Variants in CDK14 observed in about 807,000 individuals in gnomAD.
The protein encoded by CDK14 is cyclin-dependent kinase 14.
CDK14 carries 34 observed loss-of-function variants against 60.7 expected under a neutral mutation model. The ratio of observed to expected loss-of-function variants is 0.56; its 90% CI spans 0.43 to 0.75. The LOEUF (loss-of-function observed/expected upper bound fraction) is 0.75. CDK14 is among the 30% of genes least tolerant of loss of function. CDK14 has a pLI of 0.00. For missense variants in CDK14, 482 were observed against 564.1 expected (o/e 0.85, Z 1.47); for synonymous variants, 197 against 203.7 (o/e 0.97, Z 0.28).
intron 11 of CDK14, among the ~76,000 whole-genome samples, chr7:91,049,967 T>C (rs548390570): frequency 1.3e-5 from 2 of 152,148 alleles, no homozygotes; most frequent in East Asian, 3.9e-4. Context: ...TTAAATAGGG[T>C]AATCAAGGAA....
At chr7:91,179,108 C>G (rs1042821804) in intron 14 of CDK14, among the ~76,000 whole-genome samples, 3 of 152,004 alleles carry the variant, frequency 2.0e-5, no homozygotes, top group Non-Finnish European at 2.9e-5. Context: ...ACATATACAC[C>G]ATGGAACAAT....
intron 14 of CDK14, among the ~76,000 whole-genome samples, chr7:91,184,179 T>G (rs1034424310): frequency 8.7e-6 from 1 of 115,110 alleles, no homozygotes; most frequent in Non-Finnish European, 1.6e-5. Flanking sequence ...CACTCCAGCC[T>G]GGGTGACAGA....
intron 9 of CDK14, 64 bp from the exon 10 acceptor site, chr7:90,984,084 C>G: frequency 9.8e-7 from 1 of 1,017,304 alleles, no homozygotes; most frequent in Non-Finnish European, 1.6e-6. Flanking sequence ...ATTCTAATTC[C>G]AGATTTAGTT....
intron 12 of CDK14, among the ~76,000 whole-genome samples, chr7:91,095,038 G>T (rs552852545): frequency 1.3e-5 from 2 of 152,194 alleles, no homozygotes; most frequent in Non-Finnish European, 2.9e-5. Flanking sequence ...TTGATGCTCT[G>T]GATGTTTGGG....
chr7:90,986,921 A>G (rs1170878219), intron 10 of CDK14, among the ~76,000 whole-genome samples: 1 of 152,006 alleles, frequency 6.6e-6, no homozygotes, highest in African/African-American at 2.4e-5. Context: ...TGTATTTGAA[A>G]GCAGAAAACT....
At chr7:90,970,290 C>A (rs1268050205) in intron 9 of CDK14, among the ~76,000 whole-genome samples, 1 of 152,136 alleles carries the variant, frequency 6.6e-6, no homozygotes, top group Non-Finnish European at 1.5e-5. Flanking sequence ...TTTTTAAACA[C>A]AGCCAACATC....
rs182956066 is a variant in CDK14 at position 90,664,552 on chromosome 7, A to G, written c.123+60303A>G. 2.3e-4 allele frequency among the ~76,000 whole-genome samples: 35 copies of G among 152,326 alleles called. No homozygotes were observed. The East Asian group carries it at 6.7e-3, about 29-fold the overall frequency. ...TTGGAACCAACCTAAATGTCCAACA[A>G]TGATAGACTGGATTAAGAAAATATG... On this transcript the variant is annotated intron_variant, in intron 2 of 14. Coordinates refer to ENST00000380050, the MANE Select transcript of CDK14 (RefSeq NM_001287135.2).
chr7:90,826,664 G>GT (rs1358708713), intron 5 of CDK14, among the ~76,000 whole-genome samples: 1 of 152,022 alleles, frequency 6.6e-6, no homozygotes, highest in African/African-American at 2.4e-5. Context: ...TTTAAATTAT[G>GT]TTTTTTCATT....
At chr7:90,878,517 A>G (rs1390313357) in intron 6 of CDK14, among the ~76,000 whole-genome samples, 4 of 152,174 alleles carry the variant, frequency 2.6e-5, no homozygotes, top group South Asian at 2.1e-4. Context: ...CTTTTACACA[A>G]CAGACATACT....
intron 3 of CDK14, among the ~76,000 whole-genome samples, chr7:90,735,796 G>C (rs925198196): frequency 9.2e-5 from 14 of 152,336 alleles, no homozygotes; most frequent in African/African-American, 3.4e-4. Context: ...CAGACCACTT[G>C]GCTCCCTGGC....
intron 2 of CDK14, among the ~76,000 whole-genome samples, chr7:90,676,772 G>A (rs1801208166): frequency 6.6e-6 from 1 of 152,038 alleles, no homozygotes; most frequent in South Asian, 2.1e-4. Context: ...CTGGGCTCAA[G>A]GGGTCTTCCT....
chr7:91,147,685 C>T (rs926885954), intron 14 of CDK14, among the ~76,000 whole-genome samples: 12 of 152,046 alleles, frequency 7.9e-5, no homozygotes, highest in African/African-American at 2.2e-4. Context: ...TGTCTACTTG[C>T]TATATTTGAA....
chr7:90,791,777 C>G (rs1336358178), intron 5 of CDK14, among the ~76,000 whole-genome samples: 1 of 152,174 alleles, frequency 6.6e-6, no homozygotes, highest in Non-Finnish European at 1.5e-5. Context: ...TTTTACCCAG[C>G]CTTTTAGCAG....
At chr7:91,102,971 C>T (rs368395580) in intron 12 of CDK14, among the ~76,000 whole-genome samples, 1 of 152,200 alleles carries the variant, frequency 6.6e-6, no homozygotes, top group East Asian at 1.9e-4. Flanking sequence ...TGCTGCCTTC[C>T]GGCCGGGTGC....
chr7:90,608,585 A>G (rs982789462), intron 2 of CDK14: 2 of 979,410 alleles, frequency 2.0e-6, no homozygotes, highest in African/African-American at 3.5e-5. Flanking sequence ...GGTGAGAAAT[A>G]CAAAATTTTT....
intron 6 of CDK14, among the ~76,000 whole-genome samples, chr7:90,898,786 T>C (rs1792413758): frequency 6.6e-6 from 1 of 152,028 alleles, no homozygotes. Flanking sequence ...TGCTCAAATA[T>C]ATTCAGGAGT....
rs750184769 is a variant in CDK14 at position 90,913,270 on chromosome 7, TC to T, written c.703-4329del. ...AGTTTTAAAGACATTCCAAGGGTAG[TC>T]CATGGGGCATTCCATTGAATTCAGT... On this transcript the variant is annotated intron_variant, in intron 7 of 14. Coordinates refer to ENST00000380050, the MANE Select transcript of CDK14 (RefSeq NM_001287135.2). 1.1e-4 allele frequency among the ~76,000 whole-genome samples: 17 copies of T among 152,348 alleles called. No individual in the cohort carries two copies. The East Asian group carries it at 2.5e-3, about 22-fold the overall frequency.
rs371860427 is a variant in CDK14, at chr7:91,103,719, A to T, written c.1155-8823A>T. The stretch of plus-strand genomic sequence containing the variant: ...TTCTGAGGTATAAAAACTAACCTGT[A>T]CAGGGAATAAGGAGAATATCCTGCT... On this transcript the variant is annotated intron_variant, in intron 12 of 14. Transcript: ENST00000380050. Among the ~76,000 whole-genome samples the T allele has an allele frequency of 5.5e-4, 84 of 152,318 alleles. 4 individuals are homozygous for T. The South Asian group carries it at 0.017, about 30-fold the overall frequency.
chr7:91,079,356 T>G, intron 11 of CDK14, 76 bp from the exon 12 acceptor site: 4 of 968,372 alleles, frequency 4.1e-6, no homozygotes, highest in Non-Finnish European at 6.4e-6. Flanking sequence ...TTTTTTAAAG[T>G]TGAAGTTTTT....
Sources: gnomAD v4.1 joint callset for allele counts (sites outside exome capture counted in the v4.1 genomes callset) on GRCh38, gnomAD v4.1.1 for gene constraint, MANE v1.5 for transcripts, NCBI Gene and HGNC (gene_info 2026-07-23, HGNC 2026-07-21) for gene names.